RAP1GDS1: variants seen among roughly 807,000 people sequenced by gnomAD.
RAP1GDS1 encodes RAP1, GTP-GDP dissociation stimulator 1.
Under a neutral mutation model 71.1 loss-of-function variants are expected in RAP1GDS1, and 35 were observed. The observed-to-expected ratio is 0.49, with a 90% confidence interval of 0.38 to 0.65. The LOEUF (loss-of-function observed/expected upper bound fraction) is 0.65, where lower values mean the gene tolerates loss of function less well. Ranked by LOEUF, RAP1GDS1 falls within the 30% of genes least tolerant of loss-of-function variation. RAP1GDS1 has a pLI of 0.00. For synonymous variants in RAP1GDS1, 229 were observed against 243.1 expected (o/e 0.94, Z 0.54); for missense variants, 663 against 706.1 (o/e 0.94, Z 0.69).
rs977097510 is a variant in RAP1GDS1, at chr4:98,361,107, A to T, written c.361+8506A>T. ...AAAAAAAAAAAAGAGTGAATAATTT[A>T]CATTTTTCCTGCTGAGTAAAATGTT... On this transcript the variant is annotated intron_variant, in intron 4 of 14. Coordinates refer to ENST00000408927, the MANE Select transcript of RAP1GDS1 (RefSeq NM_001100427.2). 2.6e-5 allele frequency among the ~76,000 whole-genome samples: 4 copies of T among 151,070 alleles called. No homozygotes were observed. In the Admixed American group the frequency reaches 2.7e-4, roughly 10 times the overall value.
chr4:98,347,755 T>A (rs1736512025), intron 3 of RAP1GDS1, among the ~76,000 whole-genome samples: 2 of 152,180 alleles, frequency 1.3e-5, no homozygotes. Context: ...ATTTTTTGCC[T>A]GTTTCTTTTT....
At chr4:98,310,153 A>G (rs561588738) in intron 2 of RAP1GDS1, among the ~76,000 whole-genome samples, 1 of 152,220 alleles carries the variant, frequency 6.6e-6, no homozygotes, top group Admixed American at 6.5e-5. Flanking sequence ...GATTTAGACT[A>G]TACACCCCTC....
intron 2 of RAP1GDS1, chr4:98,296,781 C>A: frequency 4.7e-6 from 1 of 214,224 alleles, no homozygotes; most frequent in South Asian, 5.8e-5. Context: ...AACATTAAGA[C>A]AGGAATTGTC....
chr4:98,396,283 A>AAAAT (rs1744537388), intron 6 of RAP1GDS1: 1 of 152,158 alleles, frequency 6.6e-6, no homozygotes, highest in East Asian at 1.9e-4. Flanking sequence ...CAAATAAGGA[A>AAAAT]AAATAATATG....
chr4:98,320,293 A>C (rs987259585), intron 2 of RAP1GDS1, among the ~76,000 whole-genome samples: 1 of 152,104 alleles, frequency 6.6e-6, no homozygotes, highest in African/African-American at 2.4e-5. Flanking sequence ...TTATTGGTTG[A>C]TTTGGTGGCC....
intron 6 of RAP1GDS1, chr4:98,392,330 A>G (rs1052904057): frequency 6.4e-6 from 2 of 310,082 alleles, no homozygotes; most frequent in African/African-American, 2.2e-5. Context: ...CACATTGTAC[A>G]TTATGTAACA....
chr4:98,434,709 G>A (rs138641928), intron 13 of RAP1GDS1, among the ~76,000 whole-genome samples: 4 of 150,598 alleles, frequency 2.7e-5, no homozygotes, highest in East Asian at 2.0e-4. Flanking sequence ...CAACGTCCGC[G>A]TCCTGGGTTC....
intron 2 of RAP1GDS1, among the ~76,000 whole-genome samples, chr4:98,330,861 C>T (rs890235417): frequency 6.6e-6 from 1 of 152,144 alleles, no homozygotes; most frequent in Non-Finnish European, 1.5e-5. Context: ...CGATGGGCGG[C>T]CAGGCAGAGA....
intron 2 of RAP1GDS1, among the ~76,000 whole-genome samples, chr4:98,341,017 C>T (rs1203751422): frequency 6.6e-6 from 1 of 151,884 alleles, no homozygotes; most frequent in African/African-American, 2.4e-5. Flanking sequence ...TACCCTAAAC[C>T]TAAAATAAAA....
intron 4 of RAP1GDS1, among the ~76,000 whole-genome samples, chr4:98,376,846 G>C (rs1166682373): frequency 1.3e-5 from 2 of 151,950 alleles, no homozygotes; most frequent in African/African-American, 4.8e-5. Flanking sequence ...TTCAGAGGAG[G>C]GGGGTGGAAG....
chr4:98,403,786 T>C (rs1745756252), intron 6 of RAP1GDS1, among the ~76,000 whole-genome samples: 1 of 152,136 alleles, frequency 6.6e-6, no homozygotes, highest in South Asian at 2.1e-4. Context: ...AGGAGATTGC[T>C]AAGTGTAGAG....
At chr4:98,290,639 A>G (rs916450356) in intron 1 of RAP1GDS1, among the ~76,000 whole-genome samples, 5 of 152,146 alleles carry the variant, frequency 3.3e-5, no homozygotes, top group African/African-American at 1.2e-4. Flanking sequence ...AAGGCTTGGC[A>G]AAGTTTGAAG....
intron 12 of RAP1GDS1, among the ~76,000 whole-genome samples, chr4:98,431,111 T>C (rs1750333462): frequency 2.6e-5 from 4 of 152,228 alleles, no homozygotes; most frequent in Admixed American, 1.3e-4. Flanking sequence ...GCCAGCACTT[T>C]TCTTTAACCT....
intron 2 of RAP1GDS1, among the ~76,000 whole-genome samples, chr4:98,314,111 ATAACT>A (rs1282972956): frequency 2.0e-5 from 3 of 152,164 alleles, no homozygotes; most frequent in Non-Finnish European, 4.4e-5. Context: ...TTGGCTCGTA[ATAACT>A]TAGTTATGGA....
intron 2 of RAP1GDS1, among the ~76,000 whole-genome samples, chr4:98,336,785 C>T (rs909309916): frequency 6.6e-6 from 1 of 152,022 alleles, no homozygotes; most frequent in African/African-American, 2.4e-5. Context: ...CTTTCATTTT[C>T]TTTTAGAAAC....
rs1748110606 is a variant in RAP1GDS1, at chr4:98,416,840, A to T, written c.859A>T (p.Thr287Ser). ...GGATAGTGACAAAGAAGATGATATT[A>T]CTGAGCTCAAAACTGGTTCAGATCT... is the stretch of plus-strand genomic sequence containing the variant. ...KVDSDKEDDI[T>S]ELKTGSDLMV... Residue 287 changes from threonine to serine, a missense_variant, in exon 8 of 15, where the codon ACT (threonine) becomes TCT (serine). By Grantham distance (58) the Thr-to-Ser change is moderately conservative (BLOSUM62 1). Transcript: ENST00000408927. The T allele has an allele frequency of 6.2e-7, 1 of 1,614,026 alleles. No individual in the cohort carries two copies. Among genetic ancestry groups the T allele is most frequent in the African/African-American group, 1.3e-5 (1 of 75,046 alleles).
intron 4 of RAP1GDS1, among the ~76,000 whole-genome samples, chr4:98,369,460 C>A (rs183792456): frequency 1.3e-5 from 2 of 152,150 alleles, no homozygotes; most frequent in Non-Finnish European, 2.9e-5. Flanking sequence ...TAGAAACAAC[C>A]CAATGTCAAT....
intron 7 of RAP1GDS1, among the ~76,000 whole-genome samples, chr4:98,411,666 A>G (rs1747078388): frequency 6.6e-6 from 1 of 152,172 alleles, no homozygotes; most frequent in African/African-American, 2.4e-5. Flanking sequence ...GTTGATATTT[A>G]TTACTGTTTT....
At chr4:98,375,194 G>T (rs1444568272) in intron 4 of RAP1GDS1, among the ~76,000 whole-genome samples, 1 of 152,060 alleles carries the variant, frequency 6.6e-6, no homozygotes, top group East Asian at 1.9e-4. Flanking sequence ...GTAGCTTCTG[G>T]TGGTCCCAGG....
Sources: allele counts gnomAD v4.1 joint callset (sites outside exome capture counted in the v4.1 genomes callset), GRCh38; gene constraint gnomAD v4.1.1; transcripts MANE v1.5; gene names NCBI Gene and HGNC (gene_info 2026-07-23, HGNC 2026-07-21).